Variants in KSR2 observed in about 807,000 individuals in gnomAD.
The protein encoded by KSR2 is kinase suppressor of ras 2.
KSR2 carries 25 observed loss-of-function variants against 107.8 expected under a neutral mutation model. That is an observed-to-expected ratio of 0.23 (90% CI 0.17 to 0.32). The LOEUF is 0.32. Among genes scored for constraint, KSR2 ranks in the 10% least tolerant of loss-of-function variants. The pLI, the probability that KSR2 is intolerant of heterozygous loss-of-function variation, is 1.00. For missense variants in KSR2, 887 were observed against 1,268.9 expected, an observed-to-expected ratio of 0.70 and a Z score of 4.57; for synonymous variants, 480 against 507.0, an observed-to-expected ratio of 0.95 and a Z score of 0.71.
rs563210604 is a variant in KSR2 at position 117,893,008 on chromosome 12, C to T, written c.181-32577G>A. Among the ~76,000 whole-genome samples the T allele has an allele frequency of 4.0e-5, 6 of 151,368 alleles. No homozygotes were observed. The East Asian group carries it at 9.7e-4, about 25-fold the overall frequency. On this transcript the variant is annotated intron_variant, in intron 1 of 19. Transcript: ENST00000339824. ...AATGAAGGGGGAAACTGGGATGAGA[C>T]CCTGTGTAATTTTTTTTTTTTTTTT... is the stretch of plus-strand genomic sequence containing the variant.
intron 10 of KSR2, among the ~76,000 whole-genome samples, chr12:117,533,563 C>T (rs938524926): frequency 4.6e-5 from 7 of 152,192 alleles, no homozygotes; most frequent in African/African-American, 1.7e-4. Context: ...CCCTCCATGA[C>T]TTCAGGGACT....
chr12:117,597,024 G>A (rs1880689412), intron 5 of KSR2, among the ~76,000 whole-genome samples: 1 of 151,996 alleles, frequency 6.6e-6, no homozygotes, highest in Admixed American at 6.5e-5. Flanking sequence ...TTTTCTCCAT[G>A]GCCAGTGCTG....
chr12:117,512,763 C>T (rs528832726), intron 14 of KSR2, among the ~76,000 whole-genome samples: 1 of 152,158 alleles, frequency 6.6e-6, no homozygotes, highest in African/African-American at 2.4e-5. Flanking sequence ...ACATCCCCAA[C>T]CAAAATCTCC....
At chr12:117,476,757 T>A (rs1465016654) in intron 16 of KSR2, among the ~76,000 whole-genome samples, 162 bp from the exon 17 acceptor site, 1 of 152,174 alleles carries the variant, frequency 6.6e-6, no homozygotes, top group Non-Finnish European at 1.5e-5. Context: ...CAGTAGTAGG[T>A]GCAGGGAAGG....
intron 4 of KSR2, among the ~76,000 whole-genome samples, chr12:117,682,595 T>G (rs1885414212): frequency 6.6e-6 from 1 of 152,078 alleles, no homozygotes; most frequent in South Asian, 2.1e-4. Context: ...ATTTTTCATA[T>G]TTTTAGTGAG....
intron 5 of KSR2, among the ~76,000 whole-genome samples, chr12:117,623,703 T>C (rs1415573485): frequency 6.7e-3 from 888 of 131,940 alleles, no homozygotes; most frequent in South Asian, 0.012. Context: ...TGTGCATGTG[T>C]CTTTATAGTA....
In KSR2 at chr12:117,636,378, G is replaced by GAT. The variant is rs10540372; in HGVS notation, c.1171+31094_1171+31095dup. Among the ~76,000 whole-genome samples, 784 of 150,550 alleles carry GAT rather than the reference G, an allele frequency of 5.2e-3. 5 individuals carry two copies. Among genetic ancestry groups the GAT allele is most frequent in the African/African-American group, 0.013 (522 of 41,148 alleles). On this transcript the variant is annotated intron_variant, in intron 5 of 19. Coordinates refer to ENST00000339824, the MANE Select transcript of KSR2 (RefSeq NM_173598.6). The stretch of plus-strand genomic sequence containing the variant: ...ATATATATGGATATATGTATATGGA[G>GAT]ATATATATATATGTAAGGATATATA...
chr12:117,832,327 T>C (rs1233874871), intron 3 of KSR2, among the ~76,000 whole-genome samples: 1 of 152,096 alleles, frequency 6.6e-6, no homozygotes, highest in African/African-American at 2.4e-5. Flanking sequence ...CGTGTCCGCA[T>C]CCACATGTTT....
chr12:117,505,252 C>T (rs748299817), intron 14 of KSR2, among the ~76,000 whole-genome samples: 5 of 152,250 alleles, frequency 3.3e-5, no homozygotes, highest in East Asian at 1.9e-4. Context: ...CCCTCACCAA[C>T]GTGGAAGCTA....
At chr12:117,877,495 T>G (rs896193858) in intron 1 of KSR2, among the ~76,000 whole-genome samples, 102 of 152,204 alleles carry the variant, frequency 6.7e-4, no homozygotes, top group Admixed American at 6.7e-3. Context: ...ACGCTGTTAC[T>G]GATAAATTAT....
intron 5 of KSR2, among the ~76,000 whole-genome samples, chr12:117,640,361 C>T (rs1157325843): frequency 1.3e-5 from 2 of 152,058 alleles, no homozygotes; most frequent in Non-Finnish European, 2.9e-5. Context: ...AGTGACTCTC[C>T]CACCTCAGCC....
intron 4 of KSR2, among the ~76,000 whole-genome samples, chr12:117,734,267 C>T (rs1286488240): frequency 1.6e-5 from 2 of 124,994 alleles, no homozygotes; most frequent in African/African-American, 3.3e-5. Context: ...GGCAATAGAG[C>T]GAGACTCTGT....
intron 3 of KSR2, among the ~76,000 whole-genome samples, chr12:117,782,625 G>A (rs1306765372): frequency 6.6e-6 from 1 of 152,238 alleles, no homozygotes; most frequent in East Asian, 1.9e-4. Flanking sequence ...CATTTTGCGA[G>A]TACCACCTCA....
chr12:117,602,272 T>C (rs1021330000), intron 5 of KSR2, among the ~76,000 whole-genome samples: 2 of 152,246 alleles, frequency 1.3e-5, no homozygotes, highest in African/African-American at 4.8e-5. Flanking sequence ...TAAAAGTGTG[T>C]GATTCCATTG....
intron 1 of KSR2, among the ~76,000 whole-genome samples, chr12:117,920,323 C>T (rs1895303254): frequency 6.6e-6 from 1 of 151,522 alleles, no homozygotes; most frequent in African/African-American, 2.4e-5. Flanking sequence ...TGGTCTCGAA[C>T]TCCTGGGCTC....
chr12:117,555,793 G>A (rs985171435), intron 8 of KSR2, among the ~76,000 whole-genome samples: 3 of 152,216 alleles, frequency 2.0e-5, no homozygotes, highest in Non-Finnish European at 4.4e-5. Context: ...GTTCTAGGAA[G>A]CTAGGCACAT....
At chr12:117,545,613 G>T (rs1196114244) in intron 9 of KSR2, among the ~76,000 whole-genome samples, 1 of 152,108 alleles carries the variant, frequency 6.6e-6, no homozygotes, top group East Asian at 1.9e-4. Flanking sequence ...GATGACTGCA[G>T]GGTCTGTAGT....
intron 18 of KSR2, among the ~76,000 whole-genome samples, chr12:117,470,580 C>T (rs1871389796): frequency 6.6e-6 from 1 of 152,204 alleles, no homozygotes; most frequent in Non-Finnish European, 1.5e-5. Flanking sequence ...GGGTCTCCAT[C>T]CATATCTCAA....
At chr12:117,813,217 G>T (rs1397632212) in intron 3 of KSR2, among the ~76,000 whole-genome samples, 4 of 152,134 alleles carry the variant, frequency 2.6e-5, no homozygotes, top group African/African-American at 9.7e-5. Context: ...CAGAACATTG[G>T]TCTGGGAAGG....
Sources: allele counts gnomAD v4.1 joint callset (sites outside exome capture counted in the v4.1 genomes callset), GRCh38; gene constraint gnomAD v4.1.1; transcripts MANE v1.5; gene names NCBI Gene and HGNC (gene_info 2026-07-23, HGNC 2026-07-21).